The following USP32 variants were observed in gnomAD, a reference collection of about 807,000 sequenced individuals.
USP32 encodes ubiquitin carboxyl-terminal hydrolase 32.
A neutral mutation model predicts 204.8 loss-of-function variants in USP32; 59 were observed. The observed-to-expected ratio is 0.29, with a 90% CI of 0.23 to 0.36. The LOEUF (loss-of-function observed/expected upper bound fraction) is 0.36. Among genes scored for constraint, USP32 ranks in the 10% least tolerant of loss-of-function variants. The pLI is 1.00. For synonymous variants in USP32, 517 were observed against 678.4 expected (o/e 0.76, Z 3.70); for missense variants, 1,160 against 1,946.4 (o/e 0.60, Z 7.60).
intron 1 of USP32, among the ~76,000 whole-genome samples, chr17:60,368,295 A>AT (rs375176709): frequency 3.1e-4 from 47 of 152,314 alleles, no homozygotes; most frequent in African/African-American, 1.0e-3. Flanking sequence ...TTTTAATGTA[A>AT]TTTTTTAACG....
intron 4 of USP32, among the ~76,000 whole-genome samples, chr17:60,288,996 A>AT (rs1345278447): frequency 2.6e-5 from 4 of 152,110 alleles, no homozygotes; most frequent in African/African-American, 9.6e-5. Flanking sequence ...AGTAAACTGC[A>AT]TTTTGTTTTT....
rs2084122742 is a variant in USP32, at chr17:60,181,924, T to C, written c.4124-176A>G. ...TAGCCAGTAAGTTACATTTTTGTCTTCTTCAATGCCAAGTCCCTATAAGCA... is the reference window on the plus strand; with the variant it reads ...TAGCCAGTAAGTTACATTTTTGTCTCCTTCAATGCCAAGTCCCTATAAGCA... On this transcript the variant is annotated intron_variant, in intron 31 of 33. Coordinates refer to ENST00000300896, the MANE Select transcript of USP32 (RefSeq NM_032582.4). Among the ~76,000 whole-genome samples, 3 of 152,362 alleles carry C rather than the reference T, an allele frequency of 2.0e-5. 1 individual carries two copies. In the East Asian group the frequency reaches 5.8e-4, roughly 29 times the overall value.
upstream of USP32, among the ~76,000 whole-genome samples, chr17:60,394,212 A>G (rs2089883494): frequency 1.3e-5 from 2 of 152,224 alleles, no homozygotes; most frequent in South Asian, 4.1e-4. Context: ...CACCTCAGTC[A>G]TCTTCAGCCT....
intron 5 of USP32, among the ~76,000 whole-genome samples, chr17:60,271,800 AT>A (rs970781966): frequency 2.0e-5 from 3 of 149,768 alleles, no homozygotes; most frequent in African/African-American, 7.4e-5. Context: ...ACCTGTACTG[AT>A]TTTTTTTCTT....
chr17:60,198,523 C>CAATG, intron 26 of USP32, 79 bp from the exon 27 acceptor site: 1 of 1,509,906 alleles, frequency 6.6e-7, no homozygotes, highest in Non-Finnish European at 9.0e-7. Context: ...AAATGCCTGC[C>CAATG]AATGACAGGC....
chr17:60,225,241 C>T (rs1272944032), intron 13 of USP32, among the ~76,000 whole-genome samples: 1 of 151,830 alleles, frequency 6.6e-6, no homozygotes, highest in Non-Finnish European at 1.5e-5. Context: ...CTGCTTGAGC[C>T]TGGGAGTTTG....
intron 1 of USP32, among the ~76,000 whole-genome samples, chr17:60,389,379 T>C (rs1167941309): frequency 6.6e-6 from 1 of 151,884 alleles, no homozygotes; most frequent in African/African-American, 2.4e-5. Context: ...CCATCTCTAC[T>C]AAAAATACAA....
At chr17:60,380,230 C>A (rs1166355103) in intron 1 of USP32, among the ~76,000 whole-genome samples, 2 of 152,042 alleles carry the variant, frequency 1.3e-5, no homozygotes, top group Non-Finnish European at 2.9e-5. Context: ...ATGGCCATAC[C>A]AACCTGAACA....
chr17:60,272,909 T>C (rs1320988051), intron 5 of USP32, among the ~76,000 whole-genome samples: 1 of 152,210 alleles, frequency 6.6e-6, no homozygotes, highest in Non-Finnish European at 1.5e-5. Context: ...AATAGTAAGC[T>C]GTGTATACAT....
In USP32 at chr17:60,421,480, A is replaced by AG. The variant is rs2090113294; in HGVS notation, c.106+765dup. On this transcript the variant is annotated intron_variant, in intron 1 of 3. Transcript: ENST00000588898. Reference sequence around the variant, plus strand: ...ACTGTCGCGAAGGCAGGCGAAGAACAGGGCCACACTGAGTGGGGACAACTG... The same window carrying AG: ...ACTGTCGCGAAGGCAGGCGAAGAACAGGGGCCACACTGAGTGGGGACAACTG... The AG allele has an allele frequency of 4.1e-6, 4 of 985,464 alleles. No homozygotes were observed. The African/African-American group carries it at 7.0e-5, about 17-fold the overall frequency. The allele number at this position is 985,464 out of a possible 1,614,324, so 61.0% of individuals were successfully genotyped here. A position where few individuals can be genotyped will look rare whatever the true frequency, so the allele number is the denominator to read the frequency against.
At chr17:60,222,743 G>A (rs1390920661) in intron 14 of USP32, among the ~76,000 whole-genome samples, 194 bp from the exon 15 acceptor site, 3 of 148,196 alleles carry the variant, frequency 2.0e-5, no homozygotes, top group South Asian at 4.3e-4. Flanking sequence ...GTACAGTGGC[G>A]CGATCTTCGC....
chr17:60,391,987 A>G lies in USP32; in HGVS notation c.-48T>C, dbSNP rs990552453. The G allele has an allele frequency of 8.1e-7, 1 of 1,237,406 alleles. No homozygotes were observed. Among genetic ancestry groups the G allele is most frequent in the South Asian group, 1.7e-5 (1 of 60,328 alleles). The allele number at this position is 1,237,406 out of a possible 1,614,324, so 76.7% of individuals were successfully genotyped here. A position where few individuals can be genotyped will look rare whatever the true frequency, so the allele number is the denominator to read the frequency against. ...GGGGTCGGAGCCTGATCTCGCCCCC[A>G]CCCCCCTCCCGCCTTCTCCTCGGCG... On this transcript the variant is annotated 5_prime_UTR_variant, in exon 1 of 34. Transcript: ENST00000300896.
intron 2 of USP32, among the ~76,000 whole-genome samples, chr17:60,335,448 A>C (rs956148935): frequency 7.0e-6 from 1 of 143,078 alleles, no homozygotes; most frequent in Non-Finnish European, 1.5e-5. Flanking sequence ...CAAGGTCTCT[A>C]TGTGATTTTC....
chr17:60,252,510 C>A, intron 10 of USP32, 68 bp from the exon 11 acceptor site: 1 of 1,187,402 alleles, frequency 8.4e-7, no homozygotes, highest in East Asian at 2.6e-5. Flanking sequence ...GCATGAGACC[C>A]ATTTCCTAAA....
chr17:60,209,430 T>C lies in USP32; in HGVS notation c.2538A>G (p.Glu846=), dbSNP rs1336370579. ...TGTCCTTCAGTTCCACATATGGCTT[T>C]TCATGGACTCGATTAAGATCTTCAT... is the stretch of plus-strand genomic sequence containing the variant. ...GLHEDLNRVH[E]KPYVELKDSD... Residue 846 remains glutamate (E), a synonymous_variant, in exon 22 of 34, where the codon GAA becomes GAG. Transcript: ENST00000300896. The C allele has an allele frequency of 1.3e-6, 2 of 1,581,086 alleles. No homozygotes were observed. The highest frequency in any genetic ancestry group is 2.7e-5 in the African/African-American group (2 of 72,888).
intron 1 of USP32, among the ~76,000 whole-genome samples, chr17:60,401,231 G>A (rs1396674617): frequency 2.0e-5 from 3 of 151,600 alleles, no homozygotes; most frequent in East Asian, 2.0e-4. Flanking sequence ...CAAGGTGGGC[G>A]TGGTGGTGGG....
intron 11 of USP32, among the ~76,000 whole-genome samples, chr17:60,237,112 CTCTATCTATCTATCTA>C (rs35524070): frequency 1.6e-3 from 225 of 138,224 alleles, no homozygotes; most frequent in Middle Eastern, 3.6e-3. Context: ...AAAAAATCTA[CTCTATCTATCTATCTA>C]TCTATCTATC....
intron 2 of USP32, among the ~76,000 whole-genome samples, chr17:60,316,569 G>C (rs1022815123): frequency 1.3e-5 from 2 of 151,974 alleles, no homozygotes; most frequent in African/African-American, 4.8e-5. Flanking sequence ...GGCCAGGCAC[G>C]GTGGCTCATG....
chr17:60,239,356 T>A (rs2085816280), intron 11 of USP32, among the ~76,000 whole-genome samples: 1 of 152,252 alleles, frequency 6.6e-6, no homozygotes, highest in Admixed American at 6.5e-5. Flanking sequence ...ATGAGCTTTT[T>A]GAACGCGTAG....
Sources: allele counts gnomAD v4.1 joint callset (sites outside exome capture counted in the v4.1 genomes callset), GRCh38; gene constraint gnomAD v4.1.1; transcripts MANE v1.5; gene names NCBI Gene and HGNC (gene_info 2026-07-23, HGNC 2026-07-21).